SUGCT: variants seen among roughly 807,000 people sequenced by gnomAD.
SUGCT encodes the protein succinyl-CoA:glutarate CoA-transferase.
Under a neutral mutation model 55.0 loss-of-function variants are expected in SUGCT, and 41 were observed. That is an observed-to-expected ratio of 0.74 (90% CI 0.58 to 0.97). The LOEUF is 0.97. SUGCT is among the 50% of genes least tolerant of loss of function. The probability of loss-of-function intolerance (pLI) is 0.00; values close to 1 mark genes in which losing one functional copy is unlikely to be tolerated. For synonymous variants in SUGCT, 187 were observed against 200.4 expected, an observed-to-expected ratio of 0.93 and a Z score of 0.56; for missense variants, 568 against 547.8, an observed-to-expected ratio of 1.04 and a Z score of -0.37.
chr7:40,685,543 T>G (rs1784427793), intron 12 of SUGCT, among the ~76,000 whole-genome samples: 2 of 152,234 alleles, frequency 1.3e-5, no homozygotes, highest in Admixed American at 6.5e-5. Context: ...ATCGGCCAGA[T>G]GCCAGTCCTA....
At chr7:41,023,663 G>A in the SUGCT span, among the ~76,000 whole-genome samples, 1 of 152,058 alleles carries the variant, frequency 6.6e-6, no homozygotes, top group South Asian at 2.1e-4. Context: ...TTTCCAGGCA[G>A]TGATGAATGG....
chr7:40,692,060 G>T (rs916844986), intron 12 of SUGCT, among the ~76,000 whole-genome samples: 1 of 152,034 alleles, frequency 6.6e-6, no homozygotes, highest in African/African-American at 2.4e-5. Context: ...GTGCTGTTTC[G>T]CTGTATCACC....
At chr7:41,004,333 G>A in the SUGCT span, among the ~76,000 whole-genome samples, 1 of 152,198 alleles carries the variant, frequency 6.6e-6, no homozygotes, top group Non-Finnish European at 1.5e-5. Context: ...TTCATAAATT[G>A]AATGTGGCTT....
chr7:40,209,689 G>A (rs930612516), intron 6 of SUGCT, among the ~76,000 whole-genome samples: 2 of 151,938 alleles, frequency 1.3e-5, no homozygotes, highest in African/African-American at 4.8e-5. Flanking sequence ...TTAGCTATGT[G>A]GGATGCTGAG....
At chr7:40,675,985 A>G (rs1783958190) in intron 12 of SUGCT, among the ~76,000 whole-genome samples, 1 of 152,204 alleles carries the variant, frequency 6.6e-6, no homozygotes, top group African/African-American at 2.4e-5. Context: ...GGCTGAGGCT[A>G]GTCACATCTG....
chr7:40,936,001 A>G, the SUGCT span, among the ~76,000 whole-genome samples: 3 of 152,098 alleles, frequency 2.0e-5, no homozygotes, highest in Non-Finnish European at 2.9e-5. Context: ...TCAAAAATGT[A>G]TTATACCGTT....
At chr7:40,199,599 C>T (rs568660092) in intron 6 of SUGCT, among the ~76,000 whole-genome samples, 4 of 152,228 alleles carry the variant, frequency 2.6e-5, no homozygotes, top group Middle Eastern at 3.4e-3. Flanking sequence ...TTCTTTCCCT[C>T]GTATCTTCTG....
At chr7:40,138,268 G>A (rs1278024417) in intron 1 of SUGCT, among the ~76,000 whole-genome samples, 2 of 152,114 alleles carry the variant, frequency 1.3e-5, no homozygotes, top group Non-Finnish European at 2.9e-5. Context: ...GTGCCTGAGT[G>A]ATTTCACTTA....
intron 9 of SUGCT, among the ~76,000 whole-genome samples, chr7:40,334,051 C>T (rs1796521788): frequency 6.6e-6 from 1 of 152,018 alleles, no homozygotes; most frequent in Non-Finnish European, 1.5e-5. Context: ...TGGTTTCCAG[C>T]TTCATCCATG....
chr7:40,340,588 A>T (rs1190500024), intron 9 of SUGCT, among the ~76,000 whole-genome samples: 1 of 152,200 alleles, frequency 6.6e-6, no homozygotes, highest in Non-Finnish European at 1.5e-5. Flanking sequence ...CATCCATTTC[A>T]TAAAGTAAAA....
At chr7:40,838,015 C>T (rs1462297133) in intron 13 of SUGCT, among the ~76,000 whole-genome samples, 1 of 152,150 alleles carries the variant, frequency 6.6e-6, no homozygotes, top group African/African-American at 2.4e-5. Context: ...AACTATCTTT[C>T]CTCTATTTAA....
chr7:40,227,167 C>T (rs1788425130), intron 6 of SUGCT, among the ~76,000 whole-genome samples: 1 of 151,102 alleles, frequency 6.6e-6, no homozygotes, highest in Admixed American at 6.6e-5. Context: ...CTGCCTCAGC[C>T]TCCCAAGTAG....
At chr7:40,693,930 G>A (rs565454826) in intron 12 of SUGCT, among the ~76,000 whole-genome samples, 1 of 152,124 alleles carries the variant, frequency 6.6e-6, no homozygotes, top group African/African-American at 2.4e-5. Context: ...TCAGAAAAAC[G>A]TCCTGCTGTG....
intron 9 of SUGCT, among the ~76,000 whole-genome samples, chr7:40,390,238 C>T (rs1284708879): frequency 4.6e-5 from 7 of 152,108 alleles, no homozygotes; most frequent in Non-Finnish European, 1.0e-4. Flanking sequence ...ACAGGGATGC[C>T]GTCTCTCACC....
At chr7:40,588,874 G>T (rs1241163823) in intron 12 of SUGCT, among the ~76,000 whole-genome samples, 1 of 152,018 alleles carries the variant, frequency 6.6e-6, no homozygotes, top group African/African-American at 2.4e-5. Flanking sequence ...GTTTTTATCT[G>T]TCATTTGCTT....
At chr7:40,692,507 G>T (rs911652488) in intron 12 of SUGCT, among the ~76,000 whole-genome samples, 1 of 152,100 alleles carries the variant, frequency 6.6e-6, no homozygotes, top group Non-Finnish European at 1.5e-5. Context: ...AAAGGGTCTC[G>T]TACTGTGTAT....
At chr7:40,318,336 C>T (rs1328814878) in intron 9 of SUGCT, among the ~76,000 whole-genome samples, 1 of 150,014 alleles carries the variant, frequency 6.7e-6, no homozygotes, top group Non-Finnish European at 1.5e-5. Context: ...AATTTATACT[C>T]GTCATTGATA....
intron 12 of SUGCT, among the ~76,000 whole-genome samples, chr7:40,657,703 T>G (rs1238549066): frequency 2.6e-5 from 4 of 152,106 alleles, no homozygotes; most frequent in Non-Finnish European, 4.4e-5. Flanking sequence ...CCCAGCTAAT[T>G]TTTTGTATTT....
At chr7:40,407,824 A>T (rs1583615049) in intron 9 of SUGCT, among the ~76,000 whole-genome samples, 1 of 152,120 alleles carries the variant, frequency 6.6e-6, no homozygotes, top group East Asian at 1.9e-4. Context: ...AAAACAGGAC[A>T]TATTCTCTGA....
Sources: allele counts gnomAD v4.1 joint callset (sites outside exome capture counted in the v4.1 genomes callset), GRCh38; gene constraint gnomAD v4.1.1; transcripts MANE v1.5; gene names NCBI Gene and HGNC (gene_info 2026-07-23, HGNC 2026-07-21).